The following MECOM variants were observed in gnomAD, a reference collection of about 807,000 sequenced individuals.
MECOM encodes the protein MDS1 and EVI1 complex locus, also known as histone-lysine N-methyltransferase MECOM.
A neutral mutation model predicts 116.3 loss-of-function variants in MECOM; 13 were observed. The observed-to-expected ratio is 0.11, with a 90% CI of 0.07 to 0.18. The LOEUF (loss-of-function observed/expected upper bound fraction) is 0.18. Ranked by LOEUF, MECOM falls within the 10% of genes least tolerant of loss-of-function variation. The probability of loss-of-function intolerance (pLI) is 1.00; values close to 1 mark genes in which losing one functional copy is unlikely to be tolerated. For missense variants in MECOM, 1,299 were observed against 1,509.0 expected (o/e 0.86, Z 2.31); for synonymous variants, 528 against 535.2 (o/e 0.99, Z 0.19).
intron 1 of MECOM, among the ~76,000 whole-genome samples, chr3:169,566,652 T>A (rs1763279924): frequency 6.6e-6 from 1 of 152,076 alleles, no homozygotes; most frequent in Admixed American, 6.6e-5. Context: ...CTAACCTGGA[T>A]CCCATGCTCC....
rs138337432 is a variant in MECOM, at chr3:169,116,529, G to C, written c.1343C>G (p.Thr448Ser). Residue 448 changes from threonine (T) to serine (S), a missense_variant, in exon 8 of 17, where the codon ACC (threonine) becomes AGC (serine). Transcript: ENST00000651503. ...CATGGACGTTTTATCCATAGCTGGG[G>C]TTCCAGGAAGTGAAATGCCTTGGCC... is the stretch of plus-strand genomic sequence containing the variant. ...FFGQGISLPG[T>S]PAMDKTSMVN... 351 of 1,614,118 alleles carry C rather than the reference G, an allele frequency of 2.2e-4. No homozygotes were observed. In the African/African-American group the frequency reaches 4.3e-3, roughly 20 times the overall value.
chr3:169,131,139 T>C (rs1433474805), intron 4 of MECOM, among the ~76,000 whole-genome samples: 2 of 152,206 alleles, frequency 1.3e-5, no homozygotes, highest in African/African-American at 4.8e-5. Context: ...GAAAGGATTC[T>C]CACCATAAAC....
intron 1 of MECOM, among the ~76,000 whole-genome samples, chr3:169,604,757 C>A (rs1443836171): frequency 1.3e-5 from 2 of 152,172 alleles, no homozygotes; most frequent in Admixed American, 1.3e-4. Context: ...GCAGGGCATC[C>A]TTCCATGAGC....
intron 2 of MECOM, among the ~76,000 whole-genome samples, chr3:169,326,641 C>A (rs1020945460): frequency 6.6e-6 from 1 of 152,116 alleles, no homozygotes; most frequent in East Asian, 1.9e-4. Flanking sequence ...CTTCAATAAT[C>A]GGAGTCTATT....
At chr3:169,373,015 A>G (rs1045928347) in intron 2 of MECOM, among the ~76,000 whole-genome samples, 3 of 151,976 alleles carry the variant, frequency 2.0e-5, no homozygotes, top group Non-Finnish European at 4.4e-5. Flanking sequence ...TCCTGAACCA[A>G]CAGAACTCTA....
intron 10 of MECOM, among the ~76,000 whole-genome samples, chr3:169,105,355 A>G (rs1725029364): frequency 6.6e-6 from 1 of 152,198 alleles, no homozygotes; most frequent in Non-Finnish European, 1.5e-5. Flanking sequence ...TATTGAGTGC[A>G]CAGATCAAAA....
intron 2 of MECOM, among the ~76,000 whole-genome samples, chr3:169,297,677 T>C (rs1370980429): frequency 6.6e-6 from 1 of 152,176 alleles, no homozygotes; most frequent in African/African-American, 2.4e-5. Flanking sequence ...TATCTCAATG[T>C]AAACGTCAAT....
intron 1 of MECOM, among the ~76,000 whole-genome samples, chr3:169,458,863 G>C (rs1746958830): frequency 6.6e-6 from 1 of 152,170 alleles, no homozygotes; most frequent in African/African-American, 2.4e-5. Flanking sequence ...CACTTCCTAG[G>C]AAACAGAGAA....
At chr3:169,112,902 A>T in intron 8 of MECOM, 28 bp from the exon 9 acceptor site, 1 of 1,519,546 alleles carries the variant, frequency 6.6e-7, no homozygotes, top group Non-Finnish European at 9.1e-7. Flanking sequence ...GATTTTGGAG[A>T]TGAAGCAGTC....
intron 2 of MECOM, among the ~76,000 whole-genome samples, chr3:169,264,129 G>C (rs1028401105): frequency 6.6e-5 from 10 of 152,170 alleles, no homozygotes; most frequent in Non-Finnish European, 1.5e-5. Flanking sequence ...TCTGCCAAAT[G>C]TTATGACATA....
chr3:169,415,647 A>G (rs1738445295), intron 1 of MECOM, among the ~76,000 whole-genome samples: 1 of 152,152 alleles, frequency 6.6e-6, no homozygotes. Context: ...TCTCATATGC[A>G]AAGACACACA....
At chr3:169,227,328 C>A (rs1204096992) in intron 2 of MECOM, among the ~76,000 whole-genome samples, 1 of 152,130 alleles carries the variant, frequency 6.6e-6, no homozygotes, top group Admixed American at 6.5e-5. Context: ...AGAGCAGGTA[C>A]ACATATAAAT....
chr3:169,217,386 C>T (rs973665300), intron 2 of MECOM, among the ~76,000 whole-genome samples: 5 of 152,056 alleles, frequency 3.3e-5, no homozygotes, highest in African/African-American at 1.2e-4. Context: ...TTAAAGATAA[C>T]ACTGCTCAAG....
At chr3:169,623,810 T>TACACAC (rs113348633) in intron 1 of MECOM, 57 of 147,856 alleles carry the variant, frequency 3.9e-4, no homozygotes, top group African/African-American at 1.4e-3. Context: ...CACACACACA[T>TACACAC]ACACACACAC....
intron 1 of MECOM, among the ~76,000 whole-genome samples, chr3:169,538,771 G>T (rs1759702039): frequency 6.6e-6 from 1 of 152,128 alleles, no homozygotes; most frequent in Admixed American, 6.6e-5. Context: ...CTAACTACTG[G>T]TGAGTGCAGT....
chr3:169,542,829 A>G (rs1760259938), intron 1 of MECOM, among the ~76,000 whole-genome samples: 1 of 152,218 alleles, frequency 6.6e-6, no homozygotes, highest in African/African-American at 2.4e-5. Flanking sequence ...GTTATCATTA[A>G]TGATCTGTTT....
intron 1 of MECOM, among the ~76,000 whole-genome samples, chr3:169,489,379 T>G (rs1222296466): frequency 2.0e-5 from 3 of 152,170 alleles, no homozygotes; most frequent in Non-Finnish European, 4.4e-5. Context: ...GAACAGGTTT[T>G]GTATGTGTGT....
rs564345451 is a variant in MECOM at position 169,647,918 on chromosome 3, G to A, written c.37+15418C>T. On this transcript the variant is annotated intron_variant, in intron 1 of 16. Coordinates refer to ENST00000651503, the MANE Select transcript of MECOM (RefSeq NM_004991.4). ...GAGACTCAAACCCCTACATCCTGAC[G>A]TCCCAGCCAGCATTATCCGCCAGAA... 4.1e-4 allele frequency among the ~76,000 whole-genome samples: 63 copies of A among 152,058 alleles called. No homozygotes were observed. The South Asian group carries it at 8.1e-3, about 20-fold the overall frequency.
intron 1 of MECOM, among the ~76,000 whole-genome samples, chr3:169,609,342 T>C (rs1768968164): frequency 6.6e-6 from 1 of 152,180 alleles, no homozygotes; most frequent in East Asian, 1.9e-4. Context: ...GAGGACCATA[T>C]GTTATGAGAA....
Sources: gnomAD v4.1 joint callset for allele counts (sites outside exome capture counted in the v4.1 genomes callset) on GRCh38, gnomAD v4.1.1 for gene constraint, MANE v1.5 for transcripts, NCBI Gene and HGNC (gene_info 2026-07-23, HGNC 2026-07-21) for gene names.